The following EPB41L5 variants were observed in gnomAD, a reference collection of about 807,000 sequenced individuals.
EPB41L5 encodes the protein band 4.1-like protein 5.
A neutral mutation model predicts 106.6 loss-of-function variants in EPB41L5; 55 were observed. That is an observed-to-expected ratio of 0.52 (90% CI 0.42 to 0.65). The LOEUF (loss-of-function observed/expected upper bound fraction) is 0.65. Among genes scored for constraint, EPB41L5 ranks in the 30% least tolerant of loss-of-function variants. The pLI, the probability that EPB41L5 is intolerant of heterozygous loss-of-function variation, is 0.00. For missense variants in EPB41L5, 871 were observed against 882.1 expected, an observed-to-expected ratio of 0.99 and a Z score of 0.16; for synonymous variants, 297 against 306.7, an observed-to-expected ratio of 0.97 and a Z score of 0.33.
chr2:120,075,614 T>C, intron 6 of EPB41L5, 87 bp from the exon 7 acceptor site: 1 of 1,421,698 alleles, frequency 7.0e-7, no homozygotes, highest in Non-Finnish European at 9.9e-7. Flanking sequence ...AAAGAAATGG[T>C]CAACATAAAA....
intron 2 of EPB41L5, among the ~76,000 whole-genome samples, chr2:120,023,039 TC>T (rs1259332299): frequency 6.6e-6 from 1 of 152,224 alleles, no homozygotes; most frequent in Non-Finnish European, 1.5e-5. Context: ...TTTGTTTTTT[TC>T]TTGTAAATTT....
chr2:120,025,402 G>A (rs1263864087), intron 2 of EPB41L5, among the ~76,000 whole-genome samples: 1 of 151,774 alleles, frequency 6.6e-6, no homozygotes, highest in Admixed American at 6.6e-5. Flanking sequence ...CATTTGCTTG[G>A]TAAATGTTCC....
intron 16 of EPB41L5, chr2:120,105,353 A>G: frequency 1.0e-6 from 1 of 973,188 alleles, no homozygotes; most frequent in African/African-American, 1.8e-5. Flanking sequence ...CGAAGAGTTT[A>G]TAATGCTTCA....
chr2:120,025,450 G>A (rs1193640307), intron 2 of EPB41L5, among the ~76,000 whole-genome samples: 1 of 152,008 alleles, frequency 6.6e-6, no homozygotes, highest in Non-Finnish European at 1.5e-5. Flanking sequence ...TGTCTTTGCA[G>A]GTGAGATGGT....
At chr2:120,174,346 A>G (rs1304953602) in intron 24 of EPB41L5, among the ~76,000 whole-genome samples, 7 of 152,118 alleles carry the variant, frequency 4.6e-5, no homozygotes, top group Non-Finnish European at 4.4e-5. Context: ...AGTCCCAGCT[A>G]CTTCTACTTT....
chr2:120,076,699 T>C (rs947752823), intron 7 of EPB41L5, among the ~76,000 whole-genome samples: 1 of 152,056 alleles, frequency 6.6e-6, no homozygotes, highest in Non-Finnish European at 1.5e-5. Flanking sequence ...TTTATGGAAG[T>C]CTAGAAAGCA....
At position 120,042,098 on chromosome 2, in the gene EPB41L5, A is replaced by G. The variant is rs771436338; in HGVS notation, c.273A>G (p.Ser91=). ...ATTTTGGTCTGAGATTTATGGATTCAGCACAAGTAGCAGTGAGTAACTGTT... is the reference window on the plus strand; with the variant it reads ...ATTTTGGTCTGAGATTTATGGATTCGGCACAAGTAGCAGTGAGTAACTGTT... ...SDYFGLRFMD[S]AQVAHWLDGT... is the part of the protein sequence containing the mutation. The change falls in exon 3 of 25, where the codon TCA becomes TCG. Residue 91 remains serine, a synonymous_variant. Coordinates refer to ENST00000263713, the MANE Select transcript of EPB41L5 (RefSeq NM_020909.4). 3 of 1,612,954 alleles carry G rather than the reference A, an allele frequency of 1.9e-6. No homozygotes were observed. The highest frequency in any genetic ancestry group is 1.7e-6 in the Non-Finnish European group (2 of 1,179,176).
At chr2:120,024,618 G>A (rs1223782465) in intron 2 of EPB41L5, among the ~76,000 whole-genome samples, 9 of 151,916 alleles carry the variant, frequency 5.9e-5, no homozygotes, top group Non-Finnish European at 1.2e-4. Context: ...CACCACACCC[G>A]GCTAATTCTG....
chr2:120,079,523 G>C (rs1020861545), intron 10 of EPB41L5, among the ~76,000 whole-genome samples: 4 of 152,054 alleles, frequency 2.6e-5, no homozygotes, highest in African/African-American at 9.7e-5. Flanking sequence ...TAGCCTTGCA[G>C]CTGCTGTCTC....
chr2:120,065,087 C>A (rs541519481), intron 3 of EPB41L5, among the ~76,000 whole-genome samples: 5 of 152,148 alleles, frequency 3.3e-5, no homozygotes, highest in African/African-American at 1.2e-4. Context: ...TAACTATGAT[C>A]CTTTTTCTCA....
intron 20 of EPB41L5, among the ~76,000 whole-genome samples, chr2:120,151,160 A>G (rs1158159259): frequency 6.6e-6 from 1 of 151,994 alleles, no homozygotes; most frequent in Non-Finnish European, 1.5e-5. Flanking sequence ...AAAATACAAA[A>G]AATTAGCCGG....
intron 2 of EPB41L5, among the ~76,000 whole-genome samples, chr2:120,031,553 T>G (rs1678711526): frequency 6.6e-6 from 1 of 152,220 alleles, no homozygotes; most frequent in Non-Finnish European, 1.5e-5. Context: ...TTCCAGTTTG[T>G]TCATTTTCAA....
intron 2 of EPB41L5, among the ~76,000 whole-genome samples, chr2:120,033,210 A>G (rs1434761486): frequency 2.6e-5 from 4 of 152,176 alleles, no homozygotes; most frequent in Admixed American, 6.5e-5. Context: ...TCTGGGTTAG[A>G]ATCAGAAATC....
intron 10 of EPB41L5, among the ~76,000 whole-genome samples, chr2:120,084,594 T>G (rs946905643): frequency 1.3e-5 from 2 of 152,154 alleles, no homozygotes; most frequent in Non-Finnish European, 2.9e-5. Flanking sequence ...AATCTGACAA[T>G]CATGTGTCTT....
intron 10 of EPB41L5, among the ~76,000 whole-genome samples, chr2:120,080,208 A>T (rs1359433829): frequency 6.6e-6 from 1 of 151,660 alleles, no homozygotes; most frequent in Non-Finnish European, 1.5e-5. Context: ...TGCTGCACCG[A>T]TTAACTCGTC....
chr2:120,152,500 A>G (rs970333783), intron 20 of EPB41L5, among the ~76,000 whole-genome samples: 1 of 152,110 alleles, frequency 6.6e-6, no homozygotes, highest in South Asian at 2.1e-4. Flanking sequence ...CAGTACTTCT[A>G]CCTCAGCCTC....
intron 16 of EPB41L5, among the ~76,000 whole-genome samples, chr2:120,110,469 A>C (rs550299253): frequency 2.6e-5 from 4 of 152,282 alleles, no homozygotes; most frequent in African/African-American, 7.2e-5. Flanking sequence ...CTGAACTTTT[A>C]AATTTCCACA....
intron 16 of EPB41L5, among the ~76,000 whole-genome samples, chr2:120,114,526 C>A (rs538768429): frequency 1.2e-4 from 19 of 152,144 alleles, no homozygotes; most frequent in Admixed American, 1.2e-3. Context: ...GTATTAAGTG[C>A]ATTTTCAATT....
intron 2 of EPB41L5, among the ~76,000 whole-genome samples, chr2:120,024,421 G>C (rs1365812627): frequency 1.3e-5 from 2 of 152,104 alleles, no homozygotes; most frequent in Non-Finnish European, 2.9e-5. Context: ...GGTCTTTTCT[G>C]CATCTATTGA....
Sources: gnomAD v4.1 joint callset for allele counts (sites outside exome capture counted in the v4.1 genomes callset) on GRCh38, gnomAD v4.1.1 for gene constraint, MANE v1.5 for transcripts, NCBI Gene and HGNC (gene_info 2026-07-23, HGNC 2026-07-21) for gene names.